The following ATRX variants were observed in gnomAD, a reference collection of about 807,000 sequenced individuals.
ATRX encodes chromatin remodeler ATRX.
In ATRX, 12 loss-of-function variants were observed where a neutral mutation model predicts 172.6. That is an observed-to-expected ratio of 0.07 (90% CI 0.04 to 0.11). ATRX has a LOEUF of 0.11. ATRX is among the 10% of genes least tolerant of loss of function. The pLI is 1.00. For missense variants in ATRX, 1,368 were observed against 1,767.4 expected, an observed-to-expected ratio of 0.77 and a Z score of 4.05; for synonymous variants, 674 against 594.7, an observed-to-expected ratio of 1.13 and a Z score of -1.94.
intron 12 of ATRX, among the ~76,000 whole-genome samples, chrX:77,662,473 T>A (rs1557123225): frequency 8.9e-6 from 1 of 112,157 alleles, no homozygotes; most frequent in Non-Finnish European, 1.9e-5. Flanking sequence ...TTGTATGCAA[T>A]CTTATACTTT....
chrX:77,699,965 CAAAT>C (rs1185297950), intron 2 of ATRX, among the ~76,000 whole-genome samples: 1 of 111,616 alleles, frequency 9.0e-6, no homozygotes. Context: ...AAATATATCA[CAAAT>C]AGAGAAAACT....
chrX:77,671,167 AATATATAT>A (rs3063061), intron 10 of ATRX, among the ~76,000 whole-genome samples: 1 of 15,734 alleles, frequency 6.4e-5, no homozygotes, highest in Non-Finnish European at 1.2e-4. Flanking sequence ...AAAAAAAAAA[AATATATAT>A]ATATATATAT....
intron 1 of ATRX, among the ~76,000 whole-genome samples, chrX:77,755,474 T>C (rs782486706): frequency 8.9e-6 from 1 of 112,547 alleles, no homozygotes; most frequent in African/African-American, 3.2e-5. Context: ...CGTGGATTTA[T>C]CTACCTTTGA....
intron 2 of ATRX, among the ~76,000 whole-genome samples, chrX:77,702,320 G>A (rs1190567456): frequency 8.9e-6 from 1 of 111,992 alleles, no homozygotes; most frequent in Non-Finnish European, 1.9e-5. Flanking sequence ...GCAGGTGCCT[G>A]TAATCCCAGC....
chrX:77,681,527 T>C lies in ATRX; in HGVS notation c.3729A>G (p.Gln1243=), dbSNP rs782100721. The change falls in exon 9 of 35, where the codon CAA becomes CAG. Residue 1243 remains glutamine, a synonymous_variant. Coordinates refer to ENST00000373344, the MANE Select transcript of ATRX (RefSeq NM_000489.6). Reference sequence around the variant, plus strand: ...TTATTTATTTTTGCATACCTGAAGATTGGCAAAATCCAGTATGTGAAGACA... The same window carrying C: ...TTATTTATTTTTGCATACCTGAAGACTGGCAAAATCCAGTATGTGAAGACA... ...LVLSSHTGFC[Q]SSGDEALSKS... 4 of 1,210,247 alleles carry C rather than the reference T, an allele frequency of 3.3e-6. No individual in the cohort carries two copies. The highest frequency in any genetic ancestry group is 1.7e-5 in the African/African-American group (1 of 57,769).
At chrX:77,513,907 T>C (rs1297282594) in intron 34 of ATRX, among the ~76,000 whole-genome samples, 2 of 110,933 alleles carry the variant, frequency 1.8e-5, no homozygotes, top group African/African-American at 6.6e-5. Context: ...AGTTCAGCAA[T>C]ATCTCAGGGT....
chrX:77,739,384 GAT>G (rs1208250650), intron 1 of ATRX, among the ~76,000 whole-genome samples: 38 of 105,057 alleles, frequency 3.6e-4, no homozygotes, highest in South Asian at 3.3e-3. Context: ...TACATAATCA[GAT>G]ATATATATAT....
intron 1 of ATRX, among the ~76,000 whole-genome samples, chrX:77,745,173 G>GAAA (rs1247509964): frequency 8.8e-4 from 24 of 27,420 alleles, no homozygotes; most frequent in African/African-American, 1.3e-3. Context: ...TCTCAAAAAT[G>GAAA]AAAAAAAAAA....
At chrX:77,536,585 T>C (rs1010561280) in intron 30 of ATRX, among the ~76,000 whole-genome samples, 5 of 112,050 alleles carry the variant, frequency 4.5e-5, no homozygotes, top group Non-Finnish European at 7.5e-5. Flanking sequence ...AATATCTATA[T>C]TAATTCAGAA....
rs122445112 is a variant in ATRX, at chrX:77,523,290, T to C, written c.6811A>G (p.Arg2271Gly). The C allele has an allele frequency of 8.3e-7, 1 of 1,211,595 alleles. No homozygotes were observed. The highest frequency in any genetic ancestry group is 1.1e-6 in the Non-Finnish European group (1 of 895,257). Residue 2271 changes from arginine (R) to glycine (G), a missense_variant, in exon 31 of 35, where the codon AGA becomes GGA. Transcript: ENST00000373344. ...TCATACTCAGCCCAAGCTGCTTTTC[T>C]TTCTTCTTCAGTCAACTCTTCTTCT... ...KEEEELTEEERKAAWAEYEAE... is the reference protein window; with the variant it reads ...KEEEELTEEEGKAAWAEYEAE...
chrX:77,620,337 A>G, intron 20 of ATRX, 58 bp downstream of exon 20: 1 of 1,165,124 alleles, frequency 8.6e-7, no homozygotes, highest in Non-Finnish European at 1.2e-6. Context: ...GTAACGTTAC[A>G]AAAATATATC....
intron 15 of ATRX, among the ~76,000 whole-genome samples, chrX:77,645,548 T>C (rs2068872090): frequency 9.0e-6 from 1 of 111,619 alleles, no homozygotes; most frequent in African/African-American, 3.3e-5. Flanking sequence ...CTATAAAAAA[T>C]GCTTCCTACA....
intron 1 of ATRX, among the ~76,000 whole-genome samples, chrX:77,719,761 T>A (rs2148763423): frequency 9.0e-6 from 1 of 111,288 alleles, no homozygotes; most frequent in South Asian, 3.8e-4. Flanking sequence ...ACTGTCAATA[T>A]TAGACAGACC....
At chrX:77,718,461 C>T (rs540842999) in intron 1 of ATRX, among the ~76,000 whole-genome samples, 1 of 105,724 alleles carries the variant, frequency 9.5e-6, no homozygotes, top group African/African-American at 3.5e-5. Flanking sequence ...GCAAGCTCTG[C>T]CTCCCGGGTT....
chrX:77,584,098 T>C (rs2065924230), intron 27 of ATRX, among the ~76,000 whole-genome samples: 1 of 111,587 alleles, frequency 9.0e-6, no homozygotes, highest in African/African-American at 3.3e-5. Flanking sequence ...ATAAATAAAA[T>C]ACTTAGGAAT....
intron 30 of ATRX, among the ~76,000 whole-genome samples, chrX:77,551,184 C>T (rs782702990): frequency 4.5e-5 from 5 of 111,722 alleles, no homozygotes; most frequent in East Asian, 2.8e-4. Flanking sequence ...AAGAACAAAG[C>T]GGGAGGCATC....
intron 1 of ATRX, among the ~76,000 whole-genome samples, chrX:77,727,501 TAAA>T (rs1323654179): frequency 9.0e-6 from 1 of 110,753 alleles, no homozygotes; most frequent in African/African-American, 3.3e-5. Context: ...TATGCAGCCA[TAAA>T]AAAAGGATCA....
intron 27 of ATRX, among the ~76,000 whole-genome samples, chrX:77,588,091 G>T (rs782727845): frequency 8.9e-6 from 1 of 112,128 alleles, no homozygotes; most frequent in South Asian, 3.7e-4. Context: ...ATAGATCAAT[G>T]GAATAGAATT....
chrX:77,727,034 C>A (rs2074076147), intron 1 of ATRX, among the ~76,000 whole-genome samples: 1 of 111,503 alleles, frequency 9.0e-6, no homozygotes, highest in African/African-American at 3.3e-5. Context: ...TATGAATAGA[C>A]ACTTCTCCAA....
Sources: allele counts gnomAD v4.1 joint callset (sites outside exome capture counted in the v4.1 genomes callset), GRCh38; gene constraint gnomAD v4.1.1; transcripts MANE v1.5; gene names NCBI Gene and HGNC (gene_info 2026-07-23, HGNC 2026-07-21).